Variants in RUFY3 observed in about 807,000 individuals in gnomAD.
RUFY3 encodes the protein RUN and FYVE domain containing 3.
Under a neutral mutation model 84.0 loss-of-function variants are expected in RUFY3, and 34 were observed. That is an observed-to-expected ratio of 0.40 (90% CI 0.31 to 0.54). The LOEUF (loss-of-function observed/expected upper bound fraction) is 0.54, where lower values mean the gene tolerates loss of function less well. Ranked by LOEUF, RUFY3 falls within the 20% of genes least tolerant of loss-of-function variation. RUFY3 has a pLI of 0.39. For missense variants in RUFY3, 507 were observed against 736.8 expected (o/e 0.69, Z 3.61); for synonymous variants, 242 against 252.9 (o/e 0.96, Z 0.41).
intron 1 of RUFY3, among the ~76,000 whole-genome samples, chr4:70,751,062 T>G (rs1457185757): frequency 6.6e-6 from 1 of 152,180 alleles, no homozygotes; most frequent in Admixed American, 6.5e-5. Context: ...GTGGATATAT[T>G]TTTTAAATAA....
rs756444977 is a variant in RUFY3 at position 70,800,187 on chromosome 4, C to A, written c.1604C>A (p.Pro535His). 1.2e-6 allele frequency: 2 copies of A among 1,604,278 alleles called. No individual in the cohort carries two copies. Among genetic ancestry groups the A allele is most frequent in the Admixed American group, 3.4e-5 (2 of 58,002 alleles). ...MQEENVKLKK[P>H]LEESHRLQPH... ...GAGGAAAATGTTAAACTAAAAAAGC[C>A]CCTGGAAGAAAGCCACAGGTGTTTG... is the stretch of plus-strand genomic sequence containing the variant. The change falls in exon 15 of 18, where the codon CCC (proline) becomes CAC (histidine). Residue 535 changes from proline to histidine, a missense_variant. Coordinates refer to ENST00000381006, the MANE Select transcript of RUFY3 (RefSeq NM_001037442.4).
chr4:70,772,676 T>C (rs1240758601), intron 5 of RUFY3, among the ~76,000 whole-genome samples: 2 of 152,264 alleles, frequency 1.3e-5, no homozygotes, highest in East Asian at 3.9e-4. Context: ...TTTATTTTTT[T>C]TGAGACGGAG....
At chr4:70,709,780 C>T (rs1740756668) in intron 1 of RUFY3, among the ~76,000 whole-genome samples, 1 of 152,172 alleles carries the variant, frequency 6.6e-6, no homozygotes, top group African/African-American at 2.4e-5. Flanking sequence ...CCTTCCAACT[C>T]CCACAACTAC....
intron 1 of RUFY3, among the ~76,000 whole-genome samples, chr4:70,730,703 C>G (rs940562143): frequency 1.3e-5 from 2 of 152,048 alleles, no homozygotes; most frequent in African/African-American, 2.4e-5. Context: ...TGCACCACCG[C>G]ACTCACTCCA....
At chr4:70,727,736 G>A (rs999955420) in intron 1 of RUFY3, among the ~76,000 whole-genome samples, 24 of 148,968 alleles carry the variant, frequency 1.6e-4, no homozygotes, top group Admixed American at 4.7e-4. Flanking sequence ...GCGGTGAGCC[G>A]AGATCGTGCC....
intron 1 of RUFY3, among the ~76,000 whole-genome samples, chr4:70,715,039 A>G (rs999949789): frequency 6.6e-6 from 1 of 152,218 alleles, no homozygotes; most frequent in South Asian, 2.1e-4. Context: ...TGAGTATATC[A>G]GTTTATAGTT....
At chr4:70,716,654 G>C (rs1174587522) in intron 1 of RUFY3, among the ~76,000 whole-genome samples, 2 of 151,752 alleles carry the variant, frequency 1.3e-5, no homozygotes, top group Non-Finnish European at 2.9e-5. Flanking sequence ...GACCAGCCTG[G>C]CCAAGATGGT....
At chr4:70,796,960 T>G (rs1467274992) in intron 14 of RUFY3, among the ~76,000 whole-genome samples, 3 of 150,894 alleles carry the variant, frequency 2.0e-5, no homozygotes, top group Admixed American at 1.3e-4. Flanking sequence ...TTTTTTTTTT[T>G]GAAACAGAGT....
chr4:70,771,227 C>G (rs1027004077), intron 5 of RUFY3, among the ~76,000 whole-genome samples: 3 of 152,004 alleles, frequency 2.0e-5, no homozygotes, highest in Non-Finnish European at 4.4e-5. Flanking sequence ...AATATACTTG[C>G]ATGACGCAGG....
At chr4:70,803,034 T>G (rs941844250) in intron 16 of RUFY3, 51 bp downstream of exon 16, 2 of 1,438,566 alleles carry the variant, frequency 1.4e-6, no homozygotes, top group Non-Finnish European at 1.9e-6. Flanking sequence ...TGAAGTTGGT[T>G]GTACCGTGCC....
At chr4:70,765,187 C>CA (rs1161964926) in intron 4 of RUFY3, among the ~76,000 whole-genome samples, 1,360 of 55,494 alleles carry the variant, frequency 0.025, 27 homozygotes, top group African/African-American at 0.053. Context: ...GACTCTGTCT[C>CA]AAAAAAAAAA....
intron 1 of RUFY3, among the ~76,000 whole-genome samples, chr4:70,729,303 C>G (rs1192581764): frequency 6.6e-6 from 1 of 152,082 alleles, no homozygotes; most frequent in Non-Finnish European, 1.5e-5. Context: ...GTCACCTGGA[C>G]TGGAGTGCAA....
At chr4:70,730,145 G>T (rs114128288) in intron 1 of RUFY3, among the ~76,000 whole-genome samples, 9,354 of 151,852 alleles carry the variant, frequency 0.062, 370 homozygotes, top group East Asian at 0.097. Context: ...ATGTTGGCCA[G>T]GCTAGTCTTG....
chr4:70,789,662 A>C (rs1730495768), intron 12 of RUFY3, 70 bp downstream of exon 12: 2 of 1,519,582 alleles, frequency 1.3e-6, no homozygotes, highest in Middle Eastern at 1.8e-4. Context: ...TGTGCTGTAC[A>C]TTCGGCAAAT....
intron 17 of RUFY3, among the ~76,000 whole-genome samples, chr4:70,805,934 T>C (rs1560582379): frequency 6.6e-6 from 1 of 152,222 alleles, no homozygotes; most frequent in African/African-American, 2.4e-5. Flanking sequence ...TCTCTGTGCT[T>C]GACCATTAAA....
intron 1 of RUFY3, among the ~76,000 whole-genome samples, chr4:70,743,271 C>G (rs899422008): frequency 6.6e-6 from 1 of 152,012 alleles, no homozygotes; most frequent in African/African-American, 2.4e-5. Context: ...GGGGTTTCAA[C>G]ATGTTGGCCA....
chr4:70,757,106 C>CA (rs1435990820), intron 1 of RUFY3, among the ~76,000 whole-genome samples: 6 of 150,232 alleles, frequency 4.0e-5, no homozygotes, highest in African/African-American at 4.9e-5. Context: ...CCTGTCTCTA[C>CA]AAAAAATAAA....
chr4:70,715,856 G>A (rs1443585292), intron 1 of RUFY3, among the ~76,000 whole-genome samples: 7 of 152,228 alleles, frequency 4.6e-5, no homozygotes, highest in African/African-American at 1.4e-4. Flanking sequence ...GCCAATGCCT[G>A]TAATCCCAGC....
chr4:70,739,080 CTTT>C (rs111822896), intron 1 of RUFY3, among the ~76,000 whole-genome samples: 3 of 137,472 alleles, frequency 2.2e-5, no homozygotes, highest in Non-Finnish European at 4.8e-5. Context: ...GGCTATTTGT[CTTT>C]TTTTTTTTTT....
Sources: allele counts gnomAD v4.1 joint callset (sites outside exome capture counted in the v4.1 genomes callset), GRCh38; gene constraint gnomAD v4.1.1; transcripts MANE v1.5; gene names NCBI Gene and HGNC (gene_info 2026-07-23, HGNC 2026-07-21).